IL12B: variants seen among roughly 807,000 people sequenced by gnomAD.
IL12B encodes the protein interleukin 12B.
A neutral mutation model predicts 39.2 loss-of-function variants in IL12B; 27 were observed. The observed-to-expected ratio is 0.69, with a 90% confidence interval of 0.51 to 0.95. The LOEUF is 0.95. IL12B is among the 40% of genes least tolerant of loss of function. The pLI is 0.00. For missense variants in IL12B, 351 were observed against 397.6 expected (o/e 0.88, Z 1.00); for synonymous variants, 142 against 152.1 (o/e 0.93, Z 0.49).
At chr5:159,323,821 C>T (rs1754143512) in intron 2 of IL12B, among the ~76,000 whole-genome samples, 1 of 150,898 alleles carries the variant, frequency 6.6e-6, no homozygotes, top group African/African-American at 2.4e-5. Flanking sequence ...CAAGGTATTT[C>T]ATTATCATGA....
rs771683283 is a variant in IL12B, at chr5:159,316,747, G to T, written c.925C>A (p.Arg309=). The T allele has an allele frequency of 1.9e-5, 30 of 1,614,094 alleles. No homozygotes were observed. The highest frequency in any genetic ancestry group is 7.7e-5 in the South Asian group (7 of 91,054). ...ICRKNASISV[R]AQDRYYSSSW... is the part of the protein sequence containing the mutation. ...GAGCTATAGTAGCGGTCCTGGGCCC[G>T]CACGCTAATGCTGGCATTTTTGCGG... is the stretch of plus-strand genomic sequence containing the variant. Residue 309 remains arginine, a synonymous_variant, in exon 7 of 8, where the codon CGG becomes AGG. Transcript: ENST00000231228.
In IL12B at chr5:159,315,773, G is replaced by T. The variant is rs1475164449; in HGVS notation, c.*328C>A. On this transcript the variant is annotated 3_prime_UTR_variant, in exon 8 of 8. Coordinates refer to ENST00000231228, the MANE Select transcript of IL12B (RefSeq NM_002187.3). Reference sequence around the variant, plus strand: ...CTGATCCTGATGGATCAGGTCATAAGAGTATGAAACATTCCATACATCCTG... The same window carrying T: ...CTGATCCTGATGGATCAGGTCATAATAGTATGAAACATTCCATACATCCTG... 1 of 152,728 alleles carries T rather than the reference G, an allele frequency of 6.5e-6. No homozygotes were observed. Among genetic ancestry groups the T allele is most frequent in the Non-Finnish European group, 1.5e-5 (1 of 68,032 alleles). 9.5% of individuals were successfully genotyped at this position (152,728 alleles called of 1,614,324 possible).
chr5:159,324,802 G>A (rs987116555), intron 2 of IL12B, among the ~76,000 whole-genome samples: 4 of 152,294 alleles, frequency 2.6e-5, no homozygotes, highest in Middle Eastern at 6.8e-3. Context: ...GGTGGTTCTC[G>A]TTATTGGCCT....
chr5:159,320,986 CTT>C (rs1754077253), intron 4 of IL12B, among the ~76,000 whole-genome samples: 1 of 148,938 alleles, frequency 6.7e-6, no homozygotes. Context: ...TTTTCTTTTT[CTT>C]TCTCTCTCTC....
chr5:159,328,672 C>T (rs955687219), intron 1 of IL12B, among the ~76,000 whole-genome samples: 1 of 152,170 alleles, frequency 6.6e-6, no homozygotes, highest in Non-Finnish European at 1.5e-5. Flanking sequence ...GGCTGGCACA[C>T]TGGAAGGGAA....
intron 5 of IL12B, among the ~76,000 whole-genome samples, chr5:159,319,795 G>C (rs903080764): frequency 6.6e-6 from 1 of 152,134 alleles, no homozygotes; most frequent in African/African-American, 2.4e-5. Flanking sequence ...ATGCTGCCTG[G>C]TCAATGAATA....
intron 6 of IL12B, 42 bp from the exon 7 acceptor site, chr5:159,316,858 T>C (rs376860098): frequency 1.2e-6 from 2 of 1,611,352 alleles, no homozygotes; most frequent in Non-Finnish European, 1.7e-6. Flanking sequence ...CTTGGCAACA[T>C]AGTCACAGGG....
rs763190982 is a variant in IL12B, at chr5:159,326,753, C to G, written c.30G>C (p.Trp10Cys). MCHQQLVIS[W>C]FSLVFLASPL... ...GAGATGCCAGAAAAACCAGGGAAAA[C>G]CAAGAGATGACCAACTGCTGGTGAC... Residue 10 changes from tryptophan to cysteine, a missense_variant, in exon 2 of 8, where the codon TGG (tryptophan) becomes TGC (cysteine). Coordinates refer to ENST00000231228, the MANE Select transcript of IL12B (RefSeq NM_002187.3). 4.8e-5 allele frequency: 78 copies of G among 1,612,480 alleles called. No homozygotes were observed. The highest frequency in any genetic ancestry group is 6.1e-5 in the Non-Finnish European group (72 of 1,179,160).
chr5:159,322,956 C>T (rs1207284110), intron 3 of IL12B, 98 bp downstream of exon 3: 1 of 1,161,700 alleles, frequency 8.6e-7, no homozygotes, highest in South Asian at 1.3e-5. Flanking sequence ...TAATTCATTA[C>T]ACTCACCATG....
chr5:159,329,870 A>G (rs1754247638), intron 1 of IL12B, among the ~76,000 whole-genome samples: 1 of 152,046 alleles, frequency 6.6e-6, no homozygotes, highest in South Asian at 2.1e-4. Flanking sequence ...ATAGCTTTTC[A>G]TTTTTTAACT....
chr5:159,321,691 C>G (rs1465709548), intron 4 of IL12B, among the ~76,000 whole-genome samples: 1 of 152,088 alleles, frequency 6.6e-6, no homozygotes, highest in Non-Finnish European at 1.5e-5. Context: ...AGAAACATTT[C>G]TTTAGTAAGC....
At chr5:159,325,517 C>T (rs1754169970) in intron 2 of IL12B, 1 of 152,150 alleles carries the variant, frequency 6.6e-6, no homozygotes, top group Non-Finnish European at 1.5e-5. Flanking sequence ...AATTTATGTC[C>T]ATTTCCTCTT....
intron 2 of IL12B, among the ~76,000 whole-genome samples, chr5:159,326,265 T>C (rs1754186859): frequency 6.6e-6 from 1 of 152,152 alleles, no homozygotes; most frequent in Non-Finnish European, 1.5e-5. Context: ...ATCCTATGCT[T>C]CCTCCAAAGT....
chr5:159,330,280 A>T (rs1333631736), intron 1 of IL12B, among the ~76,000 whole-genome samples, 152 bp downstream of exon 1: 2 of 152,184 alleles, frequency 1.3e-5, no homozygotes, highest in Non-Finnish European at 2.9e-5. Flanking sequence ...AGTTTTCACT[A>T]ATGTTCCAGC....
At position 159,326,722 on chromosome 5, in the gene IL12B, C is replaced by T. The variant is rs750901737; in HGVS notation, c.61G>A (p.Val21Met). The change falls in exon 2 of 8, where the codon GTG becomes ATG. Residue 21 changes from valine (V) to methionine (M), a missense_variant. Val to Met is a conservative substitution (Grantham distance 21, BLOSUM62 1). Transcript: ENST00000231228. ...FSLVFLASPL[V>M]AIWELKKDVY... ...TCTTTCTTCAGTTCCCATATGGCCACGAGGGGAGATGCCAGAAAAACCAGG... is the reference window on the plus strand; with the variant it reads ...TCTTTCTTCAGTTCCCATATGGCCATGAGGGGAGATGCCAGAAAAACCAGG... 21 of 1,612,462 alleles carry T rather than the reference C, an allele frequency of 1.3e-5. No homozygotes were observed. Among genetic ancestry groups the T allele is most frequent in the South Asian group, 3.3e-5 (3 of 91,030 alleles).
chr5:159,329,923 G>C (rs1460181000), intron 1 of IL12B, among the ~76,000 whole-genome samples: 1 of 152,152 alleles, frequency 6.6e-6, no homozygotes, highest in Non-Finnish European at 1.5e-5. Context: ...GATCCCAGCT[G>C]TCATTTTGGT....
chr5:159,330,108 G>T (rs1318592875), intron 1 of IL12B, among the ~76,000 whole-genome samples: 1 of 152,106 alleles, frequency 6.6e-6, no homozygotes, highest in Non-Finnish European at 1.5e-5. Flanking sequence ...TAACTGATGG[G>T]CATTAACATT....
intron 1 of IL12B, among the ~76,000 whole-genome samples, chr5:159,330,088 T>C (rs532817702): frequency 9.2e-5 from 14 of 152,340 alleles, no homozygotes; most frequent in African/African-American, 3.1e-4. Context: ...TTTAGCTCTA[T>C]ACAATCCTTT....
At chr5:159,324,495 T>C (rs928122311) in intron 2 of IL12B, among the ~76,000 whole-genome samples, 3 of 152,254 alleles carry the variant, frequency 2.0e-5, no homozygotes, top group African/African-American at 7.2e-5. Context: ...AGCTGCTGAA[T>C]CAGAAACCTT....
Sources: allele counts gnomAD v4.1 joint callset (sites outside exome capture counted in the v4.1 genomes callset), GRCh38; gene constraint gnomAD v4.1.1; transcripts MANE v1.5; gene names NCBI Gene and HGNC (gene_info 2026-07-23, HGNC 2026-07-21).